The following STEAP3 variants were observed in gnomAD, a reference collection of about 807,000 sequenced individuals.
STEAP3 encodes STEAP3 metalloreductase.
A neutral mutation model predicts 34.9 loss-of-function variants in STEAP3; 35 were observed. That is an observed-to-expected ratio of 1.00 (90% CI 0.76 to 1.33). STEAP3 has a LOEUF of 1.33. Among genes scored for constraint, STEAP3 ranks in the 40% most tolerant of loss-of-function variants. The pLI is 0.00. For missense variants in STEAP3, 652 were observed against 667.6 expected (o/e 0.98, Z 0.26); for synonymous variants, 281 against 301.6 (o/e 0.93, Z 0.71).
chr2:119,231,233 TGTATCAGCTGCAC>T (rs1558742098), intron 2 of STEAP3, among the ~76,000 whole-genome samples, 199 bp downstream of exon 2: 1 of 152,142 alleles, frequency 6.6e-6, no homozygotes, highest in Non-Finnish European at 1.5e-5. Flanking sequence ...ATGGGAAATA[TGTATCAGCTGCAC>T]GTTTTCATGG....
At chr2:119,257,388 T>C in intron 5 of STEAP3, 2 of 1,399,646 alleles carry the variant, frequency 1.4e-6, no homozygotes, top group South Asian at 1.7e-5. Context: ...TGGACTCAGA[T>C]GCTGAGGGAT....
intron 2 of STEAP3, chr2:119,244,284 C>T (rs1454288516): frequency 2.0e-5 from 3 of 151,250 alleles, no homozygotes; most frequent in Non-Finnish European, 2.9e-5. Flanking sequence ...TGCTCTGTCA[C>T]CCAAACTGGA....
At chr2:119,235,866 A>G (rs1429120389) in intron 2 of STEAP3, among the ~76,000 whole-genome samples, 1 of 152,140 alleles carries the variant, frequency 6.6e-6, no homozygotes, top group African/African-American at 2.4e-5. Flanking sequence ...TGGGACCAGC[A>G]TCCCCTAGAG....
rs74947577 is a variant in STEAP3 at position 119,263,636 on chromosome 2, A to C, written c.*298A>C. On this transcript the variant is annotated 3_prime_UTR_variant, in exon 6 of 6. Transcript: ENST00000393110. ...ATTTAAAAACAAGTGCCGTACGTTA[A>C]GAGAAGAGCAGATCATGCTATTGTG... 6.4e-3 allele frequency: 3,089 copies of C among 480,574 alleles called. 68 individuals are homozygous for C. Among genetic ancestry groups the C allele is most frequent in the African/African-American group, 0.055 (2,792 of 51,200 alleles). The allele number at this position is 480,574 out of a possible 1,614,324, so 29.8% of individuals were successfully genotyped here.
chr2:119,237,794 A>T (rs1677133822), intron 2 of STEAP3, among the ~76,000 whole-genome samples: 1 of 152,200 alleles, frequency 6.6e-6, no homozygotes, highest in Non-Finnish European at 1.5e-5. Flanking sequence ...ACCCATTCAA[A>T]TGGTGAGTTG....
chr2:119,230,710 T>C lies in STEAP3; in HGVS notation c.-303T>C, dbSNP rs752933584. The C allele has an allele frequency of 4.0e-6, 2 of 502,566 alleles. No homozygotes were observed. Among genetic ancestry groups the C allele is most frequent in the Non-Finnish European group, 7.3e-6 (2 of 275,618 alleles). The allele number at this position is 502,566 out of a possible 1,614,324, so 31.1% of individuals were successfully genotyped here. The stretch of plus-strand genomic sequence containing the variant: ...AGAGACTTGAGTCTGAGCCACTAAT[T>C]ATCACCCGTGAGGTTTCCTCCCCGA... On this transcript the variant is annotated 5_prime_UTR_variant, in exon 2 of 6. Transcript: ENST00000393110.
intron 2 of STEAP3, among the ~76,000 whole-genome samples, chr2:119,237,700 C>T (rs1254548768): frequency 2.6e-5 from 4 of 152,236 alleles, no homozygotes; most frequent in African/African-American, 9.6e-5. Flanking sequence ...TAGCAGTCTG[C>T]CATACCTCAA....
chr2:119,240,853 G>A (rs374758579), intron 2 of STEAP3, among the ~76,000 whole-genome samples: 1 of 152,078 alleles, frequency 6.6e-6, no homozygotes, highest in Non-Finnish European at 1.5e-5. Context: ...GCCCAGACAG[G>A]GTTAGTCACA....
At chr2:119,246,736 A>G (rs1677438805) in intron 3 of STEAP3, 1 of 152,450 alleles carries the variant, frequency 6.6e-6, no homozygotes, top group Admixed American at 6.5e-5. Flanking sequence ...ACCAGGAGGA[A>G]CAGTGGAGAG....
intron 1 of STEAP3, among the ~76,000 whole-genome samples, chr2:119,226,473 A>G (rs1679042657): frequency 6.6e-6 from 1 of 152,134 alleles, no homozygotes; most frequent in Non-Finnish European, 1.5e-5. Context: ...TCCTCCCTCT[A>G]GGAGTTGGAA....
intron 2 of STEAP3, among the ~76,000 whole-genome samples, chr2:119,238,160 T>A (rs1677143981): frequency 6.6e-6 from 1 of 152,246 alleles, no homozygotes; most frequent in Admixed American, 6.5e-5. Context: ...TTCTCTTGGA[T>A]ATATAGCTAG....
intron 5 of STEAP3, among the ~76,000 whole-genome samples, chr2:119,257,069 G>A (rs1677794792): frequency 6.6e-6 from 1 of 152,166 alleles, no homozygotes; most frequent in South Asian, 2.1e-4. Flanking sequence ...GCCTAAAAGT[G>A]GTCCAGTCAG....
Position 119,263,766 on chromosome 2 carries a change from C to T in STEAP3, c.*428C>T. The stretch of plus-strand genomic sequence containing the variant: ...CACCCCCACAACTTCCCTTTTGCTA[C>T]TTCCCCAAGGCTCTTGCAGAGCTAG... On this transcript the variant is annotated 3_prime_UTR_variant, in exon 6 of 6. Transcript: ENST00000393110. 4 of 312,370 alleles carry T rather than the reference C, an allele frequency of 1.3e-5. No individual in the cohort carries two copies. Among genetic ancestry groups the T allele is most frequent in the South Asian group, 5.5e-5 (2 of 36,562 alleles). The allele number at this position is 312,370 out of a possible 1,614,324, so 19.3% of individuals were successfully genotyped here. A position where few individuals can be genotyped will look rare whatever the true frequency, so the allele number is the denominator to read the frequency against.
At chr2:119,252,326 C>CCATGG (rs1677649379) in intron 4 of STEAP3, among the ~76,000 whole-genome samples, 1 of 152,216 alleles carries the variant, frequency 6.6e-6, no homozygotes, top group African/African-American at 2.4e-5. Flanking sequence ...GCAGAGTCAG[C>CCATGG]GTCAGAATCC....
intron 1 of STEAP3, among the ~76,000 whole-genome samples, chr2:119,227,128 C>T (rs576483845): frequency 2.9e-4 from 44 of 152,318 alleles, no homozygotes; most frequent in African/African-American, 1.0e-3. Flanking sequence ...GTGCCCTCTG[C>T]GTACTTGCGA....
chr2:119,260,996 G>A (rs995720293), intron 5 of STEAP3, among the ~76,000 whole-genome samples: 10 of 152,192 alleles, frequency 6.6e-5, no homozygotes, highest in Admixed American at 3.3e-4. Flanking sequence ...AATGTTGAAC[G>A]TGAGAACCTG....
chr2:119,238,207 G>A (rs960053460), intron 2 of STEAP3, among the ~76,000 whole-genome samples: 13 of 152,184 alleles, frequency 8.5e-5, no homozygotes, highest in African/African-American at 2.2e-4. Flanking sequence ...ACTGTTTAAC[G>A]TTTTGAAGAA....
At chr2:119,257,349 A>C in intron 5 of STEAP3, 2 of 1,330,778 alleles carry the variant, frequency 1.5e-6, no homozygotes, top group Non-Finnish European at 1.9e-6. Flanking sequence ...TTGGAGAAAC[A>C]GAGATAACCC....
chr2:119,253,818 C>G (rs1381434652), intron 4 of STEAP3, among the ~76,000 whole-genome samples: 2 of 151,110 alleles, frequency 1.3e-5, no homozygotes, highest in Admixed American at 6.6e-5. Context: ...TGTCCTGGAA[C>G]TTGGTGGGGG....
Sources: gnomAD v4.1 joint callset for allele counts (sites outside exome capture counted in the v4.1 genomes callset) on GRCh38, gnomAD v4.1.1 for gene constraint, MANE v1.5 for transcripts, NCBI Gene and HGNC (gene_info 2026-07-23, HGNC 2026-07-21) for gene names.